The following SEL1L variants were observed in gnomAD, a reference collection of about 807,000 sequenced individuals.
The protein encoded by SEL1L is SEL1L adaptor subunit of SYVN1 ubiquitin ligase, also known as protein sel-1 homolog 1.
A neutral mutation model predicts 109.8 loss-of-function variants in SEL1L; 52 were observed. The ratio of observed to expected loss-of-function variants is 0.47; its 90% CI spans 0.38 to 0.60. The LOEUF is 0.60. SEL1L is among the 20% of genes least tolerant of loss of function. The pLI, the probability that SEL1L is intolerant of heterozygous loss-of-function variation, is 0.00. For synonymous variants in SEL1L, 373 were observed against 339.6 expected (o/e 1.10, Z -1.08); for missense variants, 749 against 962.2 (o/e 0.78, Z 2.93).
chr14:81,479,469 G>A, intron 20 of SEL1L, 143 bp downstream of exon 20: 1 of 683,826 alleles, frequency 1.5e-6, no homozygotes, highest in Non-Finnish European at 2.2e-6. Flanking sequence ...TAAGGTCCTC[G>A]GGTACCTGAG....
Position 81,483,084 on chromosome 14 carries a change from A to G in SEL1L, c.2046+1141T>C, listed in dbSNP as rs571632511. Among the ~76,000 whole-genome samples the G allele has an allele frequency of 9.2e-5, 14 of 152,360 alleles. 1 individual carries two copies. In the East Asian group the frequency reaches 2.3e-3, roughly 25 times the overall value. ...ATCATTAAAAATAATTTCTAATGACAAGTCACTCTGATTTTTGGCATCTAA... is the reference window on the plus strand; with the variant it reads ...ATCATTAAAAATAATTTCTAATGACGAGTCACTCTGATTTTTGGCATCTAA... On this transcript the variant is annotated intron_variant, in intron 19 of 20. Coordinates refer to ENST00000336735, the MANE Select transcript of SEL1L (RefSeq NM_005065.6).
intron 6 of SEL1L, among the ~76,000 whole-genome samples, chr14:81,501,551 T>C (rs141299240): frequency 5.3e-4 from 80 of 152,302 alleles, no homozygotes; most frequent in African/African-American, 1.8e-3. Context: ...GCTGCAGAAT[T>C]GTTAGGTATT....
At chr14:81,511,082 T>G (rs934560447) in intron 3 of SEL1L, among the ~76,000 whole-genome samples, 16 of 152,372 alleles carry the variant, frequency 1.1e-4, no homozygotes, top group Non-Finnish European at 2.1e-4. Context: ...ACCAATGGTA[T>G]GTAATTTGCT....
intron 20 of SEL1L, among the ~76,000 whole-genome samples, chr14:81,477,726 T>C (rs1903211416): frequency 6.6e-6 from 1 of 152,158 alleles, no homozygotes; most frequent in Non-Finnish European, 1.5e-5. Flanking sequence ...GGCACAAGAA[T>C]TGCCTGAACC....
At chr14:81,488,235 A>G (rs1012569485) in intron 14 of SEL1L, among the ~76,000 whole-genome samples, 4 of 152,214 alleles carry the variant, frequency 2.6e-5, no homozygotes, top group African/African-American at 7.2e-5. Flanking sequence ...GAAACAGTCA[A>G]TCTTCTCTGC....
Position 81,533,819 on chromosome 14 carries a change from C to G in SEL1L, c.-75G>C, listed in dbSNP as rs1885435612. 3 of 1,401,574 alleles carry G rather than the reference C, an allele frequency of 2.1e-6. No individual in the cohort carries two copies. Among genetic ancestry groups the G allele is most frequent in the Non-Finnish European group, 3.0e-6 (3 of 1,005,288 alleles). The allele number at this position is 1,401,574 out of a possible 1,614,324, so 86.8% of individuals were successfully genotyped here. ...GCCACCACGGACTCAGCCACCACCGCCGCCTCGCCGCTGCTCTTCCTGCTC... is the reference window on the plus strand; with the variant it reads ...GCCACCACGGACTCAGCCACCACCGGCGCCTCGCCGCTGCTCTTCCTGCTC... On this transcript the variant is annotated 5_prime_UTR_variant, in exon 1 of 21. Transcript: ENST00000336735.
intron 1 of SEL1L, among the ~76,000 whole-genome samples, chr14:81,531,815 T>C (rs879495769): frequency 6.6e-6 from 1 of 152,180 alleles, no homozygotes; most frequent in Non-Finnish European, 1.5e-5. Context: ...AGTGCTGGGA[T>C]TACAGGTATG....
chr14:81,510,472 ATCTCTCTCTCTCTCTCTCTCTCTC>A (rs374089460), intron 3 of SEL1L, among the ~76,000 whole-genome samples: 1 of 118,884 alleles, frequency 8.4e-6, no homozygotes, highest in South Asian at 3.1e-4. Context: ...TAGAATGCTG[ATCTCTCTCTCTCTCTCTCTCTCTC>A]TCTCTCTCTC....
At chr14:81,532,293 T>C (rs1162694022) in intron 1 of SEL1L, among the ~76,000 whole-genome samples, 1 of 152,198 alleles carries the variant, frequency 6.6e-6, no homozygotes, top group Non-Finnish European at 1.5e-5. Flanking sequence ...AATCTATGTA[T>C]ACCTGAGCTG....
At chr14:81,505,768 C>T (rs1053355858) in intron 4 of SEL1L, among the ~76,000 whole-genome samples, 28 of 152,134 alleles carry the variant, frequency 1.8e-4, no homozygotes, top group Non-Finnish European at 4.0e-4. Context: ...GCCCAGTTTC[C>T]TTTACTGCCC....
intron 3 of SEL1L, among the ~76,000 whole-genome samples, chr14:81,520,896 G>A (rs1310444371): frequency 6.6e-6 from 1 of 152,084 alleles, no homozygotes; most frequent in Non-Finnish European, 1.5e-5. Flanking sequence ...TCGTGGAATT[G>A]ACACTCTACA....
chr14:81,480,379 CG>C (rs1184804771), intron 19 of SEL1L, among the ~76,000 whole-genome samples: 1 of 152,012 alleles, frequency 6.6e-6, no homozygotes. Flanking sequence ...TTAGTAGAGA[CG>C]GGGTTTCACC....
At chr14:81,497,650 C>A (rs915804808) in intron 10 of SEL1L, among the ~76,000 whole-genome samples, 6 of 151,988 alleles carry the variant, frequency 3.9e-5, no homozygotes, top group African/African-American at 1.5e-4. Flanking sequence ...GGAGAGTCAC[C>A]TGGACAGTTT....
intron 3 of SEL1L, among the ~76,000 whole-genome samples, chr14:81,512,251 C>T (rs1246719245): frequency 1.3e-5 from 2 of 152,338 alleles, no homozygotes; most frequent in East Asian, 3.9e-4. Flanking sequence ...GAAGACTGAA[C>T]CCTATGAGGA....
chr14:81,527,555 C>A, intron 2 of SEL1L, 146 bp downstream of exon 2: 1 of 520,674 alleles, frequency 1.9e-6, no homozygotes. Context: ...AAAACTAGAA[C>A]TAATACTAAT....
intron 3 of SEL1L, among the ~76,000 whole-genome samples, chr14:81,507,105 A>G (rs2140026545): frequency 6.6e-6 from 1 of 152,342 alleles, no homozygotes; most frequent in East Asian, 1.9e-4. Context: ...AATGAATGGC[A>G]AAGTGGACAA....
At chr14:81,509,187 G>A (rs185910305) in intron 3 of SEL1L, among the ~76,000 whole-genome samples, 10 of 152,228 alleles carry the variant, frequency 6.6e-5, no homozygotes, top group African/African-American at 1.2e-4. Context: ...GTTTCAAATC[G>A]ATTATCTCAA....
Position 81,486,390 on chromosome 14 carries a change from T to A in SEL1L, c.1697A>T (p.Tyr566Phe). ...SERLMTAYNS[Y>F]KDGDYNAAVI... The stretch of plus-strand genomic sequence containing the variant: ...TGCAGCATTGTAATCGCCATCTTTA[T>A]AGCTGTTATAGGCAGTCATAAGCCT... The change falls in exon 17 of 21, where the codon TAT (tyrosine) becomes TTT (phenylalanine). Residue 566 changes from tyrosine to phenylalanine, a missense_variant. Transcript: ENST00000336735. 6.2e-7 allele frequency: 1 copy of A among 1,614,184 alleles called. No individual in the cohort carries two copies.
At chr14:81,490,553 A>G in intron 12 of SEL1L, 88 bp from the exon 13 acceptor site, 1 of 1,015,126 alleles carries the variant, frequency 9.9e-7, no homozygotes, top group South Asian at 1.4e-5. Context: ...GAGTTTTGTC[A>G]GATCTCATTA....
Sources: gnomAD v4.1 joint callset for allele counts (sites outside exome capture counted in the v4.1 genomes callset) on GRCh38, gnomAD v4.1.1 for gene constraint, MANE v1.5 for transcripts, NCBI Gene and HGNC (gene_info 2026-07-23, HGNC 2026-07-21) for gene names.